RBFOX1: variants seen among roughly 807,000 people sequenced by gnomAD.
RBFOX1 encodes RNA binding fox-1 homolog 1, also known as RNA binding protein fox-1 homolog 1.
Under a neutral mutation model 57.7 loss-of-function variants are expected in RBFOX1, and 8 were observed. That is an observed-to-expected ratio of 0.14 (90% confidence interval 0.08 to 0.25). The LOEUF (loss-of-function observed/expected upper bound fraction) is 0.25, where lower values mean the gene tolerates loss of function less well. Ranked by LOEUF, RBFOX1 falls within the 10% of genes least tolerant of loss-of-function variation. The pLI, the probability that RBFOX1 is intolerant of heterozygous loss-of-function variation, is 1.00. For missense variants in RBFOX1, 611 were observed against 548.5 expected (o/e 1.11, Z -1.14); for synonymous variants, 326 against 222.4 (o/e 1.47, Z -4.15).
At chr16:7,049,409 G>A (rs1448868908) in intron 3 of RBFOX1, among the ~76,000 whole-genome samples, 9 of 151,982 alleles carry the variant, frequency 5.9e-5, no homozygotes, top group Admixed American at 5.9e-4. Context: ...CCCTGAGATT[G>A]CCTGGAGACT....
chr16:6,806,902 C>G (rs1473249483), intron 3 of RBFOX1, among the ~76,000 whole-genome samples: 1 of 138,394 alleles, frequency 7.2e-6, no homozygotes, highest in Non-Finnish European at 1.5e-5. Context: ...AGCATGATCT[C>G]AGCTCACTGC....
At chr16:6,990,341 A>C (rs967278551) in intron 3 of RBFOX1, among the ~76,000 whole-genome samples, 1 of 152,114 alleles carries the variant, frequency 6.6e-6, no homozygotes, top group African/African-American at 2.4e-5. Flanking sequence ...CCTGGCCAAC[A>C]TGGTGAAACC....
At chr16:7,134,867 C>G (rs1379873403) in intron 4 of RBFOX1, among the ~76,000 whole-genome samples, 3 of 151,648 alleles carry the variant, frequency 2.0e-5, no homozygotes, top group Non-Finnish European at 4.4e-5. Flanking sequence ...GTCAGTGGAC[C>G]TGTTAAATCA....
chr16:6,321,085 C>A (rs1171024375), intron 2 of RBFOX1, among the ~76,000 whole-genome samples: 1 of 152,116 alleles, frequency 6.6e-6, no homozygotes, highest in Non-Finnish European at 1.5e-5. Flanking sequence ...TGAGCCATCA[C>A]GTTAAAGTAA....
chr16:7,543,868 G>T (rs960135095), intron 5 of RBFOX1, among the ~76,000 whole-genome samples: 4 of 143,998 alleles, frequency 2.8e-5, no homozygotes, highest in Non-Finnish European at 3.0e-5. Context: ...TTATAGGCAC[G>T]CACCACCACG....
At chr16:6,000,109 C>T (rs1230231483) in intron 4 of RBFOX1, among the ~76,000 whole-genome samples, 1 of 151,988 alleles carries the variant, frequency 6.6e-6, no homozygotes, top group East Asian at 1.9e-4. Flanking sequence ...GCCTTACCTC[C>T]TCCTATTATC....
At chr16:5,368,273 G>A (rs766844976) in intron 1 of RBFOX1, among the ~76,000 whole-genome samples, 2 of 152,106 alleles carry the variant, frequency 1.3e-5, no homozygotes, top group South Asian at 2.1e-4. Context: ...TTACGCTTGC[G>A]ACTGCATTTT....
intron 4 of RBFOX1, among the ~76,000 whole-genome samples, chr16:5,996,232 C>G (rs979133637): frequency 1.3e-5 from 2 of 152,162 alleles, no homozygotes; most frequent in Non-Finnish European, 2.9e-5. Context: ...TCCACGAGCT[C>G]TTCTTAAGCT....
intron 4 of RBFOX1, among the ~76,000 whole-genome samples, chr16:5,905,910 G>T (rs766781067): frequency 1.3e-5 from 2 of 152,144 alleles, no homozygotes; most frequent in East Asian, 1.9e-4. Context: ...TTTTCCCGAC[G>T]ATGGAGGATA....
chr16:7,659,793 A>AACTT (rs1224957074), intron 12 of RBFOX1, among the ~76,000 whole-genome samples: 1 of 152,186 alleles, frequency 6.6e-6, no homozygotes, highest in East Asian at 1.9e-4. Flanking sequence ...GAATAGCATG[A>AACTT]ACTTATAGAC....
chr16:6,581,311 C>T (rs915629750), intron 2 of RBFOX1, among the ~76,000 whole-genome samples: 7 of 152,150 alleles, frequency 4.6e-5, no homozygotes, highest in Admixed American at 4.6e-4. Context: ...TCGATGATCC[C>T]TGTGAAGCAT....
chr16:6,098,825 C>A (rs2096274034), intron 1 of RBFOX1, among the ~76,000 whole-genome samples: 1 of 152,156 alleles, frequency 6.6e-6, no homozygotes, highest in Non-Finnish European at 1.5e-5. Flanking sequence ...TAAGTGGAGC[C>A]AGGTGCATCA....
chr16:5,803,317 C>G (rs991150791), intron 3 of RBFOX1, among the ~76,000 whole-genome samples: 1 of 152,088 alleles, frequency 6.6e-6, no homozygotes, highest in Admixed American at 6.5e-5. Flanking sequence ...TTTTATGGTC[C>G]TCTTTGTACT....
At chr16:6,499,664 T>G (rs1270490120) in intron 2 of RBFOX1, among the ~76,000 whole-genome samples, 1 of 152,076 alleles carries the variant, frequency 6.6e-6, no homozygotes, top group Non-Finnish European at 1.5e-5. Flanking sequence ...TTGTAATGTG[T>G]CAACATCACT....
At chr16:6,617,296 C>G (rs1028471727) in intron 2 of RBFOX1, among the ~76,000 whole-genome samples, 6 of 151,930 alleles carry the variant, frequency 3.9e-5, no homozygotes, top group African/African-American at 1.5e-4. Context: ...CCTGATCTTC[C>G]TGCTTGGAGG....
At chr16:7,671,357 T>C (rs2071371549) in intron 13 of RBFOX1, among the ~76,000 whole-genome samples, 1 of 152,170 alleles carries the variant, frequency 6.6e-6, no homozygotes, top group Non-Finnish European at 1.5e-5. Context: ...CTTGATACTC[T>C]CCATTGCAGA....
intron 1 of RBFOX1, among the ~76,000 whole-genome samples, chr16:6,276,129 C>G (rs979214668): frequency 2.0e-5 from 3 of 152,120 alleles, no homozygotes; most frequent in Admixed American, 6.5e-5. Context: ...TAAATAAATA[C>G]CTTTTTCTTT....
chr16:6,569,017 C>T (rs546589461), intron 2 of RBFOX1, among the ~76,000 whole-genome samples: 5 of 152,206 alleles, frequency 3.3e-5, no homozygotes, highest in Admixed American at 2.6e-4. Context: ...AAATGATCTG[C>T]CTACCTCAGC....
intron 1 of RBFOX1, among the ~76,000 whole-genome samples, chr16:5,331,762 C>G (rs1164134637): frequency 6.6e-6 from 1 of 152,260 alleles, no homozygotes; most frequent in Non-Finnish European, 1.5e-5. Flanking sequence ...CTCTCAGCAG[C>G]TCAGGTGATA....
Sources: allele counts gnomAD v4.1 joint callset (sites outside exome capture counted in the v4.1 genomes callset), GRCh38; gene constraint gnomAD v4.1.1; transcripts MANE v1.5; gene names NCBI Gene and HGNC (gene_info 2026-07-23, HGNC 2026-07-21).